The following CEACAM21 variants were observed in gnomAD, a reference collection of about 807,000 sequenced individuals.
CEACAM21 encodes cell adhesion molecule CEACAM21.
In CEACAM21, 38 loss-of-function variants were observed where a neutral mutation model predicts 33.2. The observed-to-expected ratio is 1.14, with a 90% CI of 0.88 to 1.50. The LOEUF is 1.50. Among genes scored for constraint, CEACAM21 ranks in the 40% most tolerant of loss-of-function variants. The pLI is 0.00. For missense variants in CEACAM21, 385 were observed against 364.6 expected, an observed-to-expected ratio of 1.06 and a Z score of -0.46; for synonymous variants, 156 against 143.0, an observed-to-expected ratio of 1.09 and a Z score of -0.65.
At chr19:41,584,298 T>TC in intron 3 of CEACAM21, 49 bp from the exon 4 acceptor site, 1 of 1,522,044 alleles carries the variant, frequency 6.6e-7, no homozygotes, top group Non-Finnish European at 9.0e-7. Context: ...CCCTCATGGT[T>TC]CCCCCTGGAA....
intron 4 of CEACAM21, among the ~76,000 whole-genome samples, chr19:41,585,072 G>A (rs562215235): frequency 6.6e-6 from 1 of 152,076 alleles, no homozygotes; most frequent in Admixed American, 6.5e-5. Context: ...CAAGATGCAT[G>A]CAGTCCCCTC....
chr19:41,585,520 T>G, intron 5 of CEACAM21, 25 bp downstream of exon 5: 2 of 1,613,300 alleles, frequency 1.2e-6, no homozygotes, highest in Middle Eastern at 3.3e-4. Flanking sequence ...AGTCTGGGTG[T>G]GGCTGGGAAC....
chr19:41,586,477 C>CT lies in CEACAM21; in HGVS notation c.*15dup, dbSNP rs781873912. On this transcript the variant is annotated 3_prime_UTR_variant, in exon 7 of 7. Transcript: ENST00000401445. ...CTGTTTTTACAGGAATTGCTACACT[C>CT]TGACACAAACATTTACTGCTGGATC... 4.7e-6 allele frequency: 3 copies of CT among 634,206 alleles called. 1 individual carries two copies. The East Asian group carries it at 1.2e-4, about 26-fold the overall frequency. 39.3% of individuals were successfully genotyped at this position (634,206 alleles called of 1,614,324 possible). A position where few individuals can be genotyped will look rare whatever the true frequency, so the allele number is the denominator to read the frequency against.
chr19:41,570,911 G>A (rs532461984), intron 2 of CEACAM21, among the ~76,000 whole-genome samples: 6 of 152,296 alleles, frequency 3.9e-5, no homozygotes, highest in Non-Finnish European at 7.4e-5. Context: ...TGAGGTGTAA[G>A]GAGGCGGGTG....
At chr19:41,580,026 T>C (rs2043257845) in intron 3 of CEACAM21, among the ~76,000 whole-genome samples, 1 of 152,218 alleles carries the variant, frequency 6.6e-6, no homozygotes, top group Admixed American at 6.5e-5. Flanking sequence ...TTATTAGCTG[T>C]TAAGTTGAGC....
chr19:41,581,225 A>G (rs1267631607), intron 3 of CEACAM21, among the ~76,000 whole-genome samples: 1 of 152,262 alleles, frequency 6.6e-6, no homozygotes, highest in Non-Finnish European at 1.5e-5. Context: ...GGCGTTCTTA[A>G]GCCACAAACA....
At chr19:41,569,386 G>T (rs542502070) in intron 2 of CEACAM21, among the ~76,000 whole-genome samples, 1 of 151,926 alleles carries the variant, frequency 6.6e-6, no homozygotes, top group Non-Finnish European at 1.5e-5. Flanking sequence ...GCTAATTTTT[G>T]TCTTTTTGTA....
At chr19:41,582,016 C>A (rs1184085947) in intron 3 of CEACAM21, among the ~76,000 whole-genome samples, 1 of 152,200 alleles carries the variant, frequency 6.6e-6, no homozygotes, top group Non-Finnish European at 1.5e-5. Flanking sequence ...AAGTCCCTTC[C>A]ACCTATAAGC....
At chr19:41,576,091 A>G (rs1392214818), upstream of CEACAM21, 4 of 639,030 alleles carry the variant, frequency 6.3e-6, no homozygotes, top group Admixed American at 2.9e-5. Flanking sequence ...AGGGGAGGGG[A>G]CAGAGAGACA....
At chr19:41,581,783 A>G (rs4578777) in intron 3 of CEACAM21, among the ~76,000 whole-genome samples, 42,986 of 151,992 alleles carry the variant, frequency 0.28, 7,112 homozygotes, top group African/African-American at 0.45. Flanking sequence ...CCATGATTCA[A>G]TTACCTCCCA....
chr19:41,557,639 C>A (rs1465347646), intron 1 of CEACAM21, among the ~76,000 whole-genome samples: 1 of 152,160 alleles, frequency 6.6e-6, no homozygotes, highest in Non-Finnish European at 1.5e-5. Flanking sequence ...ACTAGAAACT[C>A]TTTGGTAAGC....
chr19:41,582,145 T>C (rs887253800), intron 3 of CEACAM21, among the ~76,000 whole-genome samples: 1 of 152,258 alleles, frequency 6.6e-6, no homozygotes, highest in Non-Finnish European at 1.5e-5. Context: ...ACAGGCCCCA[T>C]GCAAGCCCAA....
exon 2 of CEACAM21, chr19:41,564,807 A>G (rs917234156): frequency 2.0e-5 from 3 of 152,236 alleles, no homozygotes; most frequent in Non-Finnish European, 4.4e-5. Context: ...TGAGAGAGTC[A>G]CGGTTTCTCC....
At chr19:41,550,529 G>C (rs1391993117) in intron 1 of CEACAM21, 1 of 152,250 alleles carries the variant, frequency 6.6e-6, no homozygotes, top group Non-Finnish European at 1.5e-5. Context: ...CCAGCACTTT[G>C]GGAGGCTGAG....
intron 2 of CEACAM21, among the ~76,000 whole-genome samples, chr19:41,578,610 C>G (rs527600194): frequency 6.6e-6 from 1 of 152,178 alleles, no homozygotes; most frequent in Non-Finnish European, 1.5e-5. Flanking sequence ...CTTGGGCATC[C>G]TCAGCTCAGA....
intron 2 of CEACAM21, among the ~76,000 whole-genome samples, chr19:41,578,760 T>G (rs1456012912): frequency 3.3e-5 from 5 of 152,180 alleles, no homozygotes; most frequent in Non-Finnish European, 7.3e-5. Context: ...ATTCCTTCCC[T>G]CACTGGACGT....
At chr19:41,576,106 A>G (rs1444268241), upstream of CEACAM21, 1 of 678,720 alleles carries the variant, frequency 1.5e-6, no homozygotes, top group South Asian at 1.8e-5. Flanking sequence ...GAGACATTGT[A>G]GGCAGAGCCC....
rs782345746 is a variant in CEACAM21 at position 41,576,326 on chromosome 19, C to T, written c.52C>T (p.Leu18Phe). The T allele has an allele frequency of 3.7e-5, 60 of 1,611,314 alleles. 1 individual carries two copies. In the South Asian group the frequency reaches 6.3e-4, roughly 17 times the overall value. The change falls in exon 1 of 7, where the codon CTC becomes TTC. Residue 18 changes from leucine (L) to phenylalanine (F), a missense_variant. Transcript: ENST00000401445. ...PHRECIPWQG[L>F]LLTASLLTFW... ...CAGAGAATGCATCCCCTGGCAGGGG[C>T]TCTTGCTCACAGGTGAGGGGAGGAC...
chr19:41,580,230 A>C (rs183814022), intron 3 of CEACAM21, among the ~76,000 whole-genome samples: 1 of 151,990 alleles, frequency 6.6e-6, no homozygotes, highest in Non-Finnish European at 1.5e-5. Flanking sequence ...TGTTTGGAAA[A>C]ACTCAAACTG....
Sources: allele counts gnomAD v4.1 joint callset (sites outside exome capture counted in the v4.1 genomes callset), GRCh38; gene constraint gnomAD v4.1.1; transcripts MANE v1.5; gene names NCBI Gene and HGNC (gene_info 2026-07-23, HGNC 2026-07-21).